The following PACC1 variants were observed in gnomAD, a reference collection of about 807,000 sequenced individuals.
PACC1 encodes proton activated chloride channel 1.
Under a neutral mutation model 39.7 loss-of-function variants are expected in PACC1, and 34 were observed. The ratio of observed to expected loss-of-function variants is 0.86; its 90% CI spans 0.65 to 1.14. The LOEUF is 1.14. PACC1 is among the 50% of genes most tolerant of loss of function. The pLI is 0.00. For missense variants in PACC1, 379 were observed against 436.4 expected (o/e 0.87, Z 1.17); for synonymous variants, 127 against 160.6 (o/e 0.79, Z 1.58).
intron 7 of PACC1, among the ~76,000 whole-genome samples, chr1:212,371,247 AAAAAAAAAAAAAG>A (rs1660444134): frequency 6.7e-6 from 1 of 148,500 alleles, no homozygotes; most frequent in African/African-American, 2.6e-5. Context: ...ATTTCAAAAA[AAAAAAAAAAAAAG>A]AAAGAAAAGT....
intron 7 of PACC1, among the ~76,000 whole-genome samples, chr1:212,367,904 T>C: frequency 6.6e-6 from 1 of 152,150 alleles, no homozygotes; most frequent in Non-Finnish European, 1.5e-5. Flanking sequence ...CACCACTGGC[T>C]GACTAAAGTG....
chr1:212,367,902 G>A (rs1270990004), intron 7 of PACC1, among the ~76,000 whole-genome samples: 1 of 152,082 alleles, frequency 6.6e-6, no homozygotes, highest in Non-Finnish European at 1.5e-5. Context: ...TTCACCACTG[G>A]CTGACTAAAG....
At chr1:212,398,497 C>T (rs922918130) in intron 2 of PACC1, among the ~76,000 whole-genome samples, 2 of 152,138 alleles carry the variant, frequency 1.3e-5, no homozygotes, top group African/African-American at 4.8e-5. Context: ...GTCAGTGAGG[C>T]CCCTTTAGGT....
intron 2 of PACC1, among the ~76,000 whole-genome samples, chr1:212,395,776 G>A (rs1160789074): frequency 6.6e-5 from 10 of 152,100 alleles, no homozygotes; most frequent in African/African-American, 2.4e-4. Flanking sequence ...AGTGAGTGAA[G>A]GATATGAATG....
At chr1:212,378,560 C>T (rs1660753874) in intron 5 of PACC1, among the ~76,000 whole-genome samples, 1 of 152,156 alleles carries the variant, frequency 6.6e-6, no homozygotes. Context: ...CTCAGCAGGA[C>T]CTGGTAGGAA....
intron 2 of PACC1, among the ~76,000 whole-genome samples, chr1:212,391,637 C>T (rs1238590594): frequency 2.0e-5 from 3 of 152,162 alleles, no homozygotes; most frequent in African/African-American, 4.8e-5. Context: ...GACGATCAAA[C>T]TTCTCCAAGC....
intron 7 of PACC1, among the ~76,000 whole-genome samples, chr1:212,370,293 C>T (rs568074322): frequency 1.3e-5 from 2 of 152,134 alleles, no homozygotes; most frequent in African/African-American, 4.8e-5. Flanking sequence ...AGTGAAACCC[C>T]GTCTCTACCA....
chr1:212,405,758 C>T (rs986920364), intron 2 of PACC1, among the ~76,000 whole-genome samples: 3 of 152,146 alleles, frequency 2.0e-5, no homozygotes, highest in Non-Finnish European at 4.4e-5. Flanking sequence ...TATTCCTTAA[C>T]GTCTGTGCCT....
intron 2 of PACC1, among the ~76,000 whole-genome samples, chr1:212,389,199 G>A (rs1661213916): frequency 6.6e-6 from 1 of 152,186 alleles, no homozygotes; most frequent in Non-Finnish European, 1.5e-5. Context: ...CAGGGACAAA[G>A]TTCAGGGCTG....
In PACC1 at chr1:212,364,711, C is replaced by CT. The variant is rs1288689660; in HGVS notation, c.*503dup. Reference sequence around the variant, plus strand: ...AACAAATCAAAGAGCATGTCAGAGGCTGGACATCAATGGCAGATGATGCCA... The same window carrying CT: ...AACAAATCAAAGAGCATGTCAGAGGCTTGGACATCAATGGCAGATGATGCCA... On this transcript the variant is annotated 3_prime_UTR_variant, in exon 8 of 8. Coordinates refer to ENST00000261455, the MANE Select transcript of PACC1 (RefSeq NM_018252.3). 1 of 152,636 alleles carries CT rather than the reference C, an allele frequency of 6.6e-6. No homozygotes were observed. Among genetic ancestry groups the CT allele is most frequent in the Non-Finnish European group, 1.5e-5 (1 of 68,046 alleles). The allele number at this position is 152,636 out of a possible 1,614,324, so 9.5% of individuals were successfully genotyped here.
At chr1:212,382,265 G>A (rs1360509872) in intron 4 of PACC1, among the ~76,000 whole-genome samples, 1 of 151,740 alleles carries the variant, frequency 6.6e-6, no homozygotes, top group African/African-American at 2.4e-5. Context: ...GGATGGTCTC[G>A]ATCTCCTGAC....
At chr1:212,407,956 C>A (rs1661979067) in intron 2 of PACC1, among the ~76,000 whole-genome samples, 1 of 151,980 alleles carries the variant, frequency 6.6e-6, no homozygotes, top group Admixed American at 6.6e-5. Context: ...CGCCTATAGT[C>A]CCAGCTACTT....
intron 6 of PACC1, 21 bp downstream of exon 6, chr1:212,377,541 A>T: frequency 6.2e-7 from 1 of 1,613,218 alleles, no homozygotes; most frequent in South Asian, 1.1e-5. Flanking sequence ...AGCAGTTTCA[A>T]GCAAACCCAG....
chr1:212,372,806 A>G (rs1660507552), intron 7 of PACC1, among the ~76,000 whole-genome samples: 1 of 152,186 alleles, frequency 6.6e-6, no homozygotes, highest in Admixed American at 6.5e-5. Flanking sequence ...ATTTAACCAA[A>G]GAAGTAAAAA....
chr1:212,398,965 A>C (rs1307742188), intron 2 of PACC1, among the ~76,000 whole-genome samples: 2 of 152,212 alleles, frequency 1.3e-5, no homozygotes. Flanking sequence ...GCTGGGCTGC[A>C]GGGCCACAGG....
intron 7 of PACC1, among the ~76,000 whole-genome samples, chr1:212,371,553 TAAAAG>T (rs886732476): frequency 2.0e-5 from 3 of 151,710 alleles, no homozygotes; most frequent in Non-Finnish European, 4.4e-5. Flanking sequence ...GAGGCAGTAA[TAAAAG>T]AAAAGCCCAG....
chr1:212,412,411 T>G (rs1362319396), intron 1 of PACC1, among the ~76,000 whole-genome samples: 1 of 152,168 alleles, frequency 6.6e-6, no homozygotes, highest in Non-Finnish European at 1.5e-5. Flanking sequence ...TGCCTGCCCC[T>G]GGCCAAATTC....
chr1:212,411,594 A>G (rs1662128954), intron 1 of PACC1, among the ~76,000 whole-genome samples: 2 of 152,198 alleles, frequency 1.3e-5, no homozygotes, highest in South Asian at 2.1e-4. Context: ...TCAAGACCAG[A>G]GCTTAGAAGA....
At chr1:212,403,428 T>G (rs1287770461) in intron 2 of PACC1, among the ~76,000 whole-genome samples, 2 of 152,210 alleles carry the variant, frequency 1.3e-5, no homozygotes, top group African/African-American at 4.8e-5. Flanking sequence ...ATTTTCCATC[T>G]GTCCCTGTGA....
Sources: allele counts gnomAD v4.1 joint callset (sites outside exome capture counted in the v4.1 genomes callset), GRCh38; gene constraint gnomAD v4.1.1; transcripts MANE v1.5; gene names NCBI Gene and HGNC (gene_info 2026-07-23, HGNC 2026-07-21).